Variants in USP46 observed in about 807,000 individuals in gnomAD.
USP46 encodes the protein ubiquitin specific peptidase 46.
In USP46, 12 loss-of-function variants were observed where a neutral mutation model predicts 44.4. That is an observed-to-expected ratio of 0.27 (90% CI 0.17 to 0.44). The LOEUF is 0.44. Among genes scored for constraint, USP46 ranks in the 20% least tolerant of loss-of-function variants. The probability of loss-of-function intolerance (pLI) is 1.00; values close to 1 mark genes in which losing one functional copy is unlikely to be tolerated. For synonymous variants in USP46, 155 were observed against 161.5 expected, an observed-to-expected ratio of 0.96 and a Z score of 0.31; for missense variants, 248 against 444.8, an observed-to-expected ratio of 0.56 and a Z score of 3.98.
intron 4 of USP46, among the ~76,000 whole-genome samples, chr4:52,616,482 T>C (rs1717152856): frequency 6.6e-6 from 1 of 152,138 alleles, no homozygotes; most frequent in African/African-American, 2.4e-5. Flanking sequence ...AAGTGATTCT[T>C]GTGCCTCAGC....
rs1560386989 is a variant in USP46, at chr4:52,595,729, CA to C, written c.*1910del. On this transcript the variant is annotated 3_prime_UTR_variant, in exon 9 of 9. Coordinates refer to ENST00000441222, the MANE Select transcript of USP46 (RefSeq NM_022832.4). ...AATTTTAATAACTTTTCTTATGAATCAGTTCCAAATATATTAGAGACCAACC... is the reference window on the plus strand; with the variant it reads ...AATTTTAATAACTTTTCTTATGAATCGTTCCAAATATATTAGAGACCAACC... The C allele has an allele frequency of 6.6e-6, 1 of 152,122 alleles. No homozygotes were observed. Among genetic ancestry groups the C allele is most frequent in the South Asian group, 2.1e-4 (1 of 4,826 alleles). The allele number at this position is 152,122 out of a possible 1,614,324, so 9.4% of individuals were successfully genotyped here. A position where few individuals can be genotyped will look rare whatever the true frequency, so the allele number is the denominator to read the frequency against.
At chr4:52,651,004 G>A (rs1324834986) in intron 1 of USP46, 5 of 147,790 alleles carry the variant, frequency 3.4e-5, no homozygotes, top group African/African-American at 1.3e-4. Context: ...TGAGGCAGGA[G>A]AATCGCTTGA....
At chr4:52,613,102 G>A (rs1716995099) in intron 4 of USP46, among the ~76,000 whole-genome samples, 1 of 152,180 alleles carries the variant, frequency 6.6e-6, no homozygotes, top group South Asian at 2.1e-4. Flanking sequence ...GAGGAGGAGA[G>A]CTGTACACAA....
At chr4:52,610,082 T>C (rs1205387373) in intron 5 of USP46, among the ~76,000 whole-genome samples, 2 of 149,488 alleles carry the variant, frequency 1.3e-5, no homozygotes, top group Non-Finnish European at 3.0e-5. Context: ...CGCGCCACCA[T>C]GCCCGGCTAA....
chr4:52,615,744 A>T (rs1328211692), intron 4 of USP46, among the ~76,000 whole-genome samples: 1 of 152,216 alleles, frequency 6.6e-6, no homozygotes, highest in African/African-American at 2.4e-5. Flanking sequence ...ACTGCCAGTC[A>T]TGAGGGATCT....
Position 52,649,015 on chromosome 4 carries a change from G to A in USP46, c.36+10100C>T, listed in dbSNP as rs1469567180. On this transcript the variant is annotated intron_variant, in intron 1 of 8. Coordinates refer to ENST00000441222, the MANE Select transcript of USP46 (RefSeq NM_022832.4). Reference sequence around the variant, plus strand: ...GAGTCCTGTGGGCCTCTCTCTACCCGTGTCTCCCAATACCACAGAAACAGG... The same window carrying A: ...GAGTCCTGTGGGCCTCTCTCTACCCATGTCTCCCAATACCACAGAAACAGG... 2.6e-5 allele frequency among the ~76,000 whole-genome samples: 4 copies of A among 152,214 alleles called. No homozygotes were observed. The South Asian group carries it at 6.2e-4, about 24-fold the overall frequency.
At chr4:52,636,401 T>C (rs1718116099) in intron 1 of USP46, among the ~76,000 whole-genome samples, 1 of 152,124 alleles carries the variant, frequency 6.6e-6, no homozygotes, top group Non-Finnish European at 1.5e-5. Context: ...AGATCATAAA[T>C]GTATATTATT....
chr4:52,626,386 G>A (rs1717586983), intron 3 of USP46, 139 bp from the exon 4 acceptor site: 4 of 713,776 alleles, frequency 5.6e-6, no homozygotes, highest in Non-Finnish European at 4.5e-6. Context: ...GTAGTGGCAT[G>A]ATCTCAGTTC....
At chr4:52,643,698 G>A (rs1273788244) in intron 1 of USP46, among the ~76,000 whole-genome samples, 1 of 152,136 alleles carries the variant, frequency 6.6e-6, no homozygotes, top group East Asian at 1.9e-4. Flanking sequence ...TTAGCAGTAG[G>A]TGCCACTCAT....
chr4:52,635,467 C>T (rs1298718707), intron 1 of USP46, among the ~76,000 whole-genome samples: 1 of 152,228 alleles, frequency 6.6e-6, no homozygotes, highest in African/African-American at 2.4e-5. Context: ...TCACTCTCCA[C>T]TCCATAGTGC....
intron 4 of USP46, among the ~76,000 whole-genome samples, chr4:52,612,252 T>G (rs1320206798): frequency 6.6e-6 from 1 of 152,208 alleles, no homozygotes; most frequent in Non-Finnish European, 1.5e-5. Context: ...CCCAACTTCG[T>G]ATAAAAAAGG....
At chr4:52,625,482 A>T (rs1041015473) in intron 4 of USP46, among the ~76,000 whole-genome samples, 1 of 152,184 alleles carries the variant, frequency 6.6e-6, no homozygotes, top group African/African-American at 2.4e-5. Flanking sequence ...TTCAAATTCA[A>T]TTAACATTAT....
At chr4:52,655,443 T>G (rs973976484) in intron 1 of USP46, 7 of 152,232 alleles carry the variant, frequency 4.6e-5, no homozygotes, top group Admixed American at 4.6e-4. Context: ...TATTAACAAA[T>G]GAAATAAGAT....
At chr4:52,616,722 T>A (rs926267285) in intron 4 of USP46, among the ~76,000 whole-genome samples, 1 of 152,202 alleles carries the variant, frequency 6.6e-6, no homozygotes, top group Non-Finnish European at 1.5e-5. Flanking sequence ...GGACAGACCA[T>A]GTGGAAGGAC....
intron 4 of USP46, among the ~76,000 whole-genome samples, chr4:52,617,968 TAA>T (rs1717226687): frequency 6.6e-6 from 1 of 152,218 alleles, no homozygotes; most frequent in Admixed American, 6.5e-5. Flanking sequence ...TTTAAAAGCA[TAA>T]AGAGACCTCA....
intron 4 of USP46, among the ~76,000 whole-genome samples, chr4:52,618,933 A>G (rs543642116): frequency 6.6e-6 from 1 of 152,366 alleles, no homozygotes; most frequent in Middle Eastern, 3.4e-3. Context: ...TGGCTCCAGT[A>G]ACAGATACAA....
intron 4 of USP46, among the ~76,000 whole-genome samples, chr4:52,623,847 G>A (rs575408915): frequency 3.3e-4 from 50 of 152,242 alleles, no homozygotes; most frequent in African/African-American, 1.2e-3. Context: ...TTGAACCCGG[G>A]AGGCAGAGGT....
intron 1 of USP46, chr4:52,656,429 G>T: frequency 6.8e-7 from 1 of 1,471,640 alleles, no homozygotes; most frequent in Non-Finnish European, 9.1e-7. Context: ...GAGGGACAGT[G>T]GGGGCGGTGG....
At chr4:52,629,268 A>G (rs1466755251) in intron 2 of USP46, among the ~76,000 whole-genome samples, 1 of 152,212 alleles carries the variant, frequency 6.6e-6, no homozygotes, top group Non-Finnish European at 1.5e-5. Context: ...CTTTGACACA[A>G]TTATGTAACA....
Sources: allele counts gnomAD v4.1 joint callset (sites outside exome capture counted in the v4.1 genomes callset), GRCh38; gene constraint gnomAD v4.1.1; transcripts MANE v1.5; gene names NCBI Gene and HGNC (gene_info 2026-07-23, HGNC 2026-07-21).